The following MYOM1 variants were observed in gnomAD, a reference collection of about 807,000 sequenced individuals.
MYOM1 encodes myomesin 1.
In MYOM1, 164 loss-of-function variants were observed where a neutral mutation model predicts 205.3. The observed-to-expected ratio is 0.80, with a 90% CI of 0.70 to 0.91. MYOM1 has a LOEUF of 0.91. Among genes scored for constraint, MYOM1 ranks in the 40% least tolerant of loss-of-function variants. The pLI is 0.00. For synonymous variants in MYOM1, 772 were observed against 789.4 expected (o/e 0.98, Z 0.37); for missense variants, 2,011 against 2,127.3 (o/e 0.95, Z 1.08).
chr18:3,090,217 ATTT>A (rs71159040), intron 27 of MYOM1, among the ~76,000 whole-genome samples: 11 of 124,590 alleles, frequency 8.8e-5, no homozygotes, highest in Non-Finnish European at 1.6e-5. Context: ...TGAAAACTGT[ATTT>A]TTTTTTTTTT....
intron 23 of MYOM1, among the ~76,000 whole-genome samples, chr18:3,101,860 T>G (rs765485754): frequency 3.9e-5 from 6 of 152,098 alleles, no homozygotes; most frequent in Non-Finnish European, 8.8e-5. Context: ...TGTTAGTATT[T>G]ATTTTATTAG....
At chr18:3,071,775 G>A in intron 37 of MYOM1, 59 bp downstream of exon 37, 2 of 1,522,282 alleles carry the variant, frequency 1.3e-6, no homozygotes, top group Non-Finnish European at 1.8e-6. Context: ...ACAAAATCTG[G>A]GGTGCTGGAA....
At chr18:3,069,127 A>G (rs1268646214) in intron 37 of MYOM1, among the ~76,000 whole-genome samples, 1 of 152,000 alleles carries the variant, frequency 6.6e-6, no homozygotes, top group Non-Finnish European at 1.5e-5. Context: ...CTGAGCGGCT[A>G]TACAATTTTG....
chr18:3,118,093 T>C (rs1049032339), intron 20 of MYOM1, among the ~76,000 whole-genome samples: 1 of 152,190 alleles, frequency 6.6e-6, no homozygotes, highest in African/African-American at 2.4e-5. Context: ...ACCCTAATTA[T>C]GCTACTTGTT....
At chr18:3,159,164 G>A (rs1018012750) in intron 10 of MYOM1, among the ~76,000 whole-genome samples, 1 of 152,122 alleles carries the variant, frequency 6.6e-6, no homozygotes, top group Non-Finnish European at 1.5e-5. Context: ...ACCTGTGGGT[G>A]GCAGACTTAC....
chr18:3,118,865 T>A (rs2079644902), intron 20 of MYOM1, among the ~76,000 whole-genome samples: 1 of 152,140 alleles, frequency 6.6e-6, no homozygotes, highest in East Asian at 1.9e-4. Flanking sequence ...GCACCTGAAC[T>A]GCTCTTGAGT....
chr18:3,181,961 G>C (rs904149223), intron 5 of MYOM1, among the ~76,000 whole-genome samples: 2 of 151,936 alleles, frequency 1.3e-5, no homozygotes, highest in African/African-American at 4.8e-5. Flanking sequence ...CTCGAACTCT[G>C]GACCTCAGGT....
intron 29 of MYOM1, among the ~76,000 whole-genome samples, 189 bp from the exon 30 acceptor site, chr18:3,086,340 A>C (rs1320157371): frequency 6.6e-6 from 1 of 152,226 alleles, no homozygotes; most frequent in African/African-American, 2.4e-5. Context: ...GTGGACACCA[A>C]TGAATAAACC....
chr18:3,216,913 T>C (rs1397885799), intron 1 of MYOM1: 1 of 152,126 alleles, frequency 6.6e-6, no homozygotes, highest in Non-Finnish European at 1.5e-5. Flanking sequence ...TATTTGGAGA[T>C]AGGGTCCTTA....
Position 3,169,487 on chromosome 18 carries a change from A to T in MYOM1, c.1175-506T>A, listed in dbSNP as rs138951418. Among the ~76,000 whole-genome samples, 207 of 152,356 alleles carry T rather than the reference A, an allele frequency of 1.4e-3. 3 individuals carry two copies. The highest frequency in any genetic ancestry group is 4.9e-3 in the African/African-American group (203 of 41,584). ...AAAAATTCAAGTAATCCAATTTAAA[A>T]ATGAGCAAAAGATCTGAATAGACGT... On this transcript the variant is annotated intron_variant, in intron 8 of 37. Coordinates refer to ENST00000356443, the MANE Select transcript of MYOM1 (RefSeq NM_003803.4).
At chr18:3,084,105 C>A in intron 31 of MYOM1, 78 bp from the exon 32 acceptor site, 7 of 1,453,838 alleles carry the variant, frequency 4.8e-6, no homozygotes, top group Non-Finnish European at 6.6e-6. Context: ...TCTTAGCTCT[C>A]AAAAATTCCC....
chr18:3,140,383 G>C (rs1435494281), intron 14 of MYOM1, among the ~76,000 whole-genome samples: 1 of 151,430 alleles, frequency 6.6e-6, no homozygotes, highest in Non-Finnish European at 1.5e-5. Flanking sequence ...CTCCAGCCTG[G>C]GCAACAGAGT....
chr18:3,079,474 C>A, intron 33 of MYOM1, 132 bp from the exon 34 acceptor site: 1 of 1,017,626 alleles, frequency 9.8e-7, no homozygotes, highest in Non-Finnish European at 1.4e-6. Context: ...ATATGTTATT[C>A]TTCTGCTTCA....
chr18:3,088,831 C>T (rs2079186888), intron 29 of MYOM1, among the ~76,000 whole-genome samples: 1 of 152,160 alleles, frequency 6.6e-6, no homozygotes, highest in Non-Finnish European at 1.5e-5. Context: ...CGAAACATTG[C>T]AGCTGGAGTG....
intron 37 of MYOM1, among the ~76,000 whole-genome samples, chr18:3,070,002 TGC>T (rs1252281233): frequency 1.3e-5 from 2 of 152,230 alleles, no homozygotes; most frequent in Non-Finnish European, 2.9e-5. Flanking sequence ...ACCTACCTCT[TGC>T]TAAAGCATTT....
At chr18:3,116,270 T>C in intron 21 of MYOM1, 61 bp downstream of exon 21, 1 of 1,527,630 alleles carries the variant, frequency 6.5e-7, no homozygotes, top group African/African-American at 1.4e-5. Context: ...CTTGCTAACT[T>C]TAAAGTTCGT....
intron 5 of MYOM1, among the ~76,000 whole-genome samples, chr18:3,185,259 T>C (rs954872070): frequency 6.6e-6 from 1 of 152,246 alleles, no homozygotes; most frequent in Non-Finnish European, 1.5e-5. Context: ...CCAGTTGCTG[T>C]GTACTTAACA....
chr18:3,159,874 T>TCC (rs2080355994), intron 10 of MYOM1, among the ~76,000 whole-genome samples: 1 of 107,634 alleles, frequency 9.3e-6, no homozygotes. Flanking sequence ...TTTTCTTTCT[T>TCC]TTCCTTCCTT....
chr18:3,187,171 A>T (rs2080829674), intron 5 of MYOM1, among the ~76,000 whole-genome samples: 2 of 152,174 alleles, frequency 1.3e-5, no homozygotes, highest in African/African-American at 4.8e-5. Flanking sequence ...CATCCGTAAG[A>T]GTTATAGACA....
Sources: gnomAD v4.1 joint callset for allele counts (sites outside exome capture counted in the v4.1 genomes callset) on GRCh38, gnomAD v4.1.1 for gene constraint, MANE v1.5 for transcripts, NCBI Gene and HGNC (gene_info 2026-07-23, HGNC 2026-07-21) for gene names.